Variants in LHFPL2 observed in about 807,000 individuals in gnomAD.
LHFPL2 encodes LHFPL tetraspan subfamily member 2.
A neutral mutation model predicts 17.5 loss-of-function variants in LHFPL2; 7 were observed. The ratio of observed to expected loss-of-function variants is 0.40; its 90% CI spans 0.23 to 0.75. The LOEUF is 0.75. LHFPL2 is among the 30% of genes least tolerant of loss of function. LHFPL2 has a pLI of 0.37. For synonymous variants in LHFPL2, 134 were observed against 116.2 expected (o/e 1.15, Z -0.99); for missense variants, 241 against 294.8 (o/e 0.82, Z 1.34).
intron 2 of LHFPL2, among the ~76,000 whole-genome samples, chr5:78,573,664 C>G (rs571600217): frequency 6.6e-6 from 1 of 152,270 alleles, no homozygotes; most frequent in African/African-American, 2.4e-5. Flanking sequence ...ATCTTTTTTC[C>G]CCCCATGTTA....
rs184809522 is a variant in LHFPL2, at chr5:78,560,690, G to A, written c.-186+4123C>T. On this transcript the variant is annotated intron_variant, in intron 3 of 4. Coordinates refer to ENST00000380345, the MANE Select transcript of LHFPL2 (RefSeq NM_005779.3). ...TTAAGCTGTATTACACAAGGCTTAC[G>A]TAACTTGTTTGCTATGCATTTTTTC... is the stretch of plus-strand genomic sequence containing the variant. Among the ~76,000 whole-genome samples, 12 of 152,232 alleles carry A rather than the reference G, an allele frequency of 7.9e-5. 1 individual carries two copies. Among genetic ancestry groups the A allele is most frequent in the East Asian group, 7.7e-4 (4 of 5,190 alleles).
In LHFPL2 at chr5:78,634,052, G is replaced by A. The variant is rs571189329; in HGVS notation, c.-349-1684C>T. ...GTAATTCAGGATTCAGAAGAGCCCA[G>A]TTTATCTGCCTCTTTCTTTGAATAT... On this transcript the variant is annotated intron_variant, in intron 1 of 4. Coordinates refer to ENST00000380345, the MANE Select transcript of LHFPL2 (RefSeq NM_005779.3). Among the ~76,000 whole-genome samples, 18 of 152,258 alleles carry A rather than the reference G, an allele frequency of 1.2e-4. No homozygotes were observed. In the East Asian group the frequency reaches 1.9e-3, roughly 16 times the overall value.
At chr5:78,645,780 G>A (rs957954032) in intron 1 of LHFPL2, among the ~76,000 whole-genome samples, 1 of 152,018 alleles carries the variant, frequency 6.6e-6, no homozygotes, top group Admixed American at 6.6e-5. Context: ...ACAGGCTTTC[G>A]CTATGTTGGC....
intron 2 of LHFPL2, among the ~76,000 whole-genome samples, chr5:78,581,047 T>G (rs1397103648): frequency 2.0e-5 from 3 of 152,170 alleles, no homozygotes; most frequent in African/African-American, 7.2e-5. Context: ...TAGTTCTCCT[T>G]GAAGAGGTCC....
intron 4 of LHFPL2, among the ~76,000 whole-genome samples, chr5:78,499,005 A>G (rs925215671): frequency 2.6e-5 from 4 of 152,078 alleles, no homozygotes; most frequent in Admixed American, 2.6e-4. Context: ...CCCTATCCCC[A>G]TCTACACTCA....
intron 3 of LHFPL2, among the ~76,000 whole-genome samples, chr5:78,531,471 T>G (rs998225511): frequency 6.7e-6 from 1 of 149,564 alleles, no homozygotes; most frequent in East Asian, 2.0e-4. Context: ...ATTTTTAAAA[T>G]AAAGATAGCA....
intron 3 of LHFPL2, among the ~76,000 whole-genome samples, chr5:78,512,690 T>C (rs1755168800): frequency 6.6e-6 from 1 of 151,924 alleles, no homozygotes; most frequent in South Asian, 2.1e-4. Flanking sequence ...GCCTTCCCAT[T>C]TGATTAGAAA....
Position 78,486,975 on chromosome 5 carries a change from C to T in LHFPL2, c.*1922G>A, listed in dbSNP as rs954561053. ...GGTTAGAACATTATAAATGTACACA[C>T]AGAGACAGAAGCTTTGTCCAGTGGC... On this transcript the variant is annotated 3_prime_UTR_variant, in exon 5 of 5. Coordinates refer to ENST00000380345, the MANE Select transcript of LHFPL2 (RefSeq NM_005779.3). 1 of 152,234 alleles carries T rather than the reference C, an allele frequency of 6.6e-6. No individual in the cohort carries two copies. The highest frequency in any genetic ancestry group is 2.4e-5 in the African/African-American group (1 of 41,460). The allele number at this position is 152,234 out of a possible 1,614,324, so 9.4% of individuals were successfully genotyped here. A position where few individuals can be genotyped will look rare whatever the true frequency, so the allele number is the denominator to read the frequency against.
intron 4 of LHFPL2, among the ~76,000 whole-genome samples, chr5:78,503,505 TG>T (rs1241490094): frequency 2.0e-5 from 3 of 152,202 alleles, no homozygotes; most frequent in Non-Finnish European, 4.4e-5. Context: ...GAGACCAGCC[TG>T]GCCAACGTGG....
intron 4 of LHFPL2, among the ~76,000 whole-genome samples, chr5:78,503,634 G>C (rs150839667): frequency 5.8e-4 from 89 of 152,266 alleles, no homozygotes; most frequent in African/African-American, 1.9e-3. Flanking sequence ...GGAGGCAGAG[G>C]TTGCAGTGAG....
At chr5:78,628,955 G>A (rs1164405662) in intron 2 of LHFPL2, among the ~76,000 whole-genome samples, 1 of 152,150 alleles carries the variant, frequency 6.6e-6, no homozygotes, top group East Asian at 1.9e-4. Flanking sequence ...CAGATTTGAA[G>A]AAGAAACCTG....
At chr5:78,564,277 T>C (rs780244920) in intron 3 of LHFPL2, among the ~76,000 whole-genome samples, 10 of 152,200 alleles carry the variant, frequency 6.6e-5, no homozygotes, top group Admixed American at 1.3e-4. Flanking sequence ...TCAACCTCTA[T>C]TATCGTCACT....
intron 3 of LHFPL2, among the ~76,000 whole-genome samples, chr5:78,518,548 C>T (rs1356159188): frequency 6.6e-6 from 1 of 152,218 alleles, no homozygotes; most frequent in Non-Finnish European, 1.5e-5. Flanking sequence ...CTCAGGGGAA[C>T]GTGAGCTCCA....
intron 4 of LHFPL2, among the ~76,000 whole-genome samples, chr5:78,490,255 C>G (rs1330384330): frequency 6.6e-6 from 1 of 152,162 alleles, no homozygotes; most frequent in African/African-American, 2.4e-5. Flanking sequence ...CCTAGTCCCA[C>G]CAGAGCTAGG....
At position 78,486,356 on chromosome 5, in the gene LHFPL2, T is replaced by G. The variant is rs1754240047; in HGVS notation, c.*2541A>C. ...TTAAGCCAATTTCAGGCAAAATAAA[T>G]AAGACTTTCCTGGTAGTAATAATGG... On this transcript the variant is annotated 3_prime_UTR_variant, in exon 5 of 5. Coordinates refer to ENST00000380345, the MANE Select transcript of LHFPL2 (RefSeq NM_005779.3). The G allele has an allele frequency of 6.6e-6, 1 of 152,118 alleles. No homozygotes were observed. The highest frequency in any genetic ancestry group is 2.4e-5 in the African/African-American group (1 of 41,390). 9.4% of individuals were successfully genotyped at this position (152,118 alleles called of 1,614,324 possible).
chr5:78,592,039 T>C (rs369319472), intron 2 of LHFPL2, among the ~76,000 whole-genome samples: 46 of 152,280 alleles, frequency 3.0e-4, no homozygotes, highest in African/African-American at 1.1e-3. Flanking sequence ...AAAGACGTGG[T>C]TCCCTTCAAC....
Position 78,554,524 on chromosome 5 carries a change from A to C in LHFPL2, c.-186+10289T>G, listed in dbSNP as rs185184223. 3.7e-3 allele frequency among the ~76,000 whole-genome samples: 570 copies of C among 152,330 alleles called. 2 individuals carry two copies. Among genetic ancestry groups the C allele is most frequent in the South Asian group, 0.01 (50 of 4,828 alleles). Reference sequence around the variant, plus strand: ...CAACGTTTTCCAGGTTTACCTCCCAAGTCACCTACTTGCACTTGAATCCCT... The same window carrying C: ...CAACGTTTTCCAGGTTTACCTCCCACGTCACCTACTTGCACTTGAATCCCT... On this transcript the variant is annotated intron_variant, in intron 3 of 4. Transcript: ENST00000380345.
chr5:78,502,233 A>G (rs1754797487), intron 4 of LHFPL2, among the ~76,000 whole-genome samples: 1 of 152,238 alleles, frequency 6.6e-6, no homozygotes, highest in African/African-American at 2.4e-5. Flanking sequence ...TTTCTGTTAT[A>G]ATTACTTGAA....
At chr5:78,624,776 T>C (rs1257519620) in intron 2 of LHFPL2, 1 of 152,110 alleles carries the variant, frequency 6.6e-6, no homozygotes, top group Non-Finnish European at 1.5e-5. Flanking sequence ...GAAGTGGCTG[T>C]GTGGCTTACC....
Sources: gnomAD v4.1 joint callset for allele counts (sites outside exome capture counted in the v4.1 genomes callset) on GRCh38, gnomAD v4.1.1 for gene constraint, MANE v1.5 for transcripts, NCBI Gene and HGNC (gene_info 2026-07-23, HGNC 2026-07-21) for gene names.